TSPAN18: variants seen among roughly 807,000 people sequenced by gnomAD.
TSPAN18 encodes tetraspanin-18.
A neutral mutation model predicts 27.3 loss-of-function variants in TSPAN18; 14 were observed. That is an observed-to-expected ratio of 0.51 (90% CI 0.34 to 0.80). The LOEUF is 0.80. Ranked by LOEUF, TSPAN18 falls within the 30% of genes least tolerant of loss-of-function variation. The pLI is 0.01. For missense variants in TSPAN18, 268 were observed against 323.9 expected, an observed-to-expected ratio of 0.83 and a Z score of 1.32; for synonymous variants, 143 against 136.5, an observed-to-expected ratio of 1.05 and a Z score of -0.33.
intron 2 of TSPAN18, among the ~76,000 whole-genome samples, chr11:44,805,319 G>A (rs1246575314): frequency 6.6e-6 from 1 of 152,234 alleles, no homozygotes; most frequent in Non-Finnish European, 1.5e-5. Flanking sequence ...CTAAAGACAG[G>A]TGGCATTCCT....
intron 2 of TSPAN18, among the ~76,000 whole-genome samples, chr11:44,806,416 C>T (rs537290504): frequency 3.9e-5 from 6 of 152,136 alleles, no homozygotes; most frequent in Admixed American, 2.0e-4. Context: ...CTGTTGGGTG[C>T]GTAGTGCTAG....
chr11:44,737,651 G>C (rs541471106), intron 1 of TSPAN18, among the ~76,000 whole-genome samples: 186 of 152,278 alleles, frequency 1.2e-3, no homozygotes, highest in African/African-American at 4.2e-3. Flanking sequence ...GTGTAATGTG[G>C]TCATGTTAGC....
chr11:44,756,143 T>C (rs544156407), intron 1 of TSPAN18, among the ~76,000 whole-genome samples: 274 of 152,300 alleles, frequency 1.8e-3, no homozygotes, highest in African/African-American at 6.2e-3. Context: ...GAAATCCGAC[T>C]GACTTGGGAT....
At chr11:44,745,138 T>C (rs751682841) in intron 1 of TSPAN18, among the ~76,000 whole-genome samples, 21 of 152,212 alleles carry the variant, frequency 1.4e-4, no homozygotes, top group Non-Finnish European at 2.4e-4. Context: ...TGGGGCTGGA[T>C]TTCAAAATAA....
At chr11:44,811,125 A>AACACACAC (rs61153202) in intron 2 of TSPAN18, among the ~76,000 whole-genome samples, 3,642 of 142,460 alleles carry the variant, frequency 0.026, 87 homozygotes, top group African/African-American at 0.051. Flanking sequence ...CTGGAGTTTT[A>AACACACAC]ACACACACAC....
At chr11:44,843,094 A>G (rs1477876852) in intron 2 of TSPAN18, among the ~76,000 whole-genome samples, 1 of 152,240 alleles carries the variant, frequency 6.6e-6, no homozygotes, top group Non-Finnish European at 1.5e-5. Flanking sequence ...TATATCTAAT[A>G]TAGCATATAG....
intron 3 of TSPAN18, among the ~76,000 whole-genome samples, chr11:44,872,374 G>A (rs1858219168): frequency 1.3e-5 from 2 of 152,230 alleles, no homozygotes; most frequent in African/African-American, 4.8e-5. Flanking sequence ...GAATTTGGGT[G>A]TATGGAAGCA....
intron 8 of TSPAN18, among the ~76,000 whole-genome samples, chr11:44,921,501 C>T (rs959438482): frequency 2.0e-5 from 3 of 152,108 alleles, no homozygotes; most frequent in South Asian, 2.1e-4. Context: ...TTCTGGCTAA[C>T]GGGAGGTGAG....
intron 1 of TSPAN18, among the ~76,000 whole-genome samples, chr11:44,743,576 G>T (rs1055287022): frequency 6.6e-6 from 1 of 152,208 alleles, no homozygotes; most frequent in East Asian, 1.9e-4. Flanking sequence ...CCGAGTCCTC[G>T]GAAGTTTGAG....
intron 2 of TSPAN18, among the ~76,000 whole-genome samples, chr11:44,767,579 CTGAG>C (rs1164247644): frequency 6.6e-6 from 1 of 152,232 alleles, no homozygotes; most frequent in Non-Finnish European, 1.5e-5. Flanking sequence ...CTGAGGCAGG[CTGAG>C]TGAGAGAAGG....
rs1419156015 is a variant in TSPAN18 at position 44,878,567 on chromosome 11, A to ACG, written c.-11+18099_-11+18100dup. On this transcript the variant is annotated intron_variant, in intron 3 of 9. Transcript: ENST00000520358. Reference sequence around the variant, plus strand: ...TTTTTAAACTGAGTGGTGGGTACCCACGGGGCCCTGGGGTACTTCTTCCTG... The same window carrying ACG: ...TTTTTAAACTGAGTGGTGGGTACCCACGCGGGGCCCTGGGGTACTTCTTCCTG... 3.3e-5 allele frequency among the ~76,000 whole-genome samples: 5 copies of ACG among 152,302 alleles called. No individual in the cohort carries two copies. The East Asian group carries it at 9.7e-4, about 29-fold the overall frequency.
chr11:44,892,683 G>A (rs950065374), intron 3 of TSPAN18, among the ~76,000 whole-genome samples: 2 of 152,240 alleles, frequency 1.3e-5, no homozygotes, highest in Admixed American at 6.5e-5. Context: ...GTCTATGGGG[G>A]ATGGGAGGCA....
intron 1 of TSPAN18, among the ~76,000 whole-genome samples, chr11:44,761,232 C>T (rs1178749866): frequency 2.6e-5 from 4 of 152,188 alleles, no homozygotes; most frequent in East Asian, 1.9e-4. Flanking sequence ...CAAGACTAAT[C>T]GGGTCAAGGG....
chr11:44,779,651 A>G (rs1215312935), intron 2 of TSPAN18, among the ~76,000 whole-genome samples: 4 of 152,058 alleles, frequency 2.6e-5, no homozygotes, highest in African/African-American at 9.7e-5. Context: ...CATGCACACA[A>G]CTACCCACAT....
chr11:44,917,129 G>A (rs1018753085), intron 5 of TSPAN18, among the ~76,000 whole-genome samples: 1 of 152,228 alleles, frequency 6.6e-6, no homozygotes, highest in Non-Finnish European at 1.5e-5. Flanking sequence ...CTAAGGCCGT[G>A]CGGGCACCTC....
At chr11:44,737,042 A>T (rs866854759) in intron 1 of TSPAN18, among the ~76,000 whole-genome samples, 1 of 152,210 alleles carries the variant, frequency 6.6e-6, no homozygotes, top group African/African-American at 2.4e-5. Context: ...GGTTGAACAG[A>T]TGCTCACATG....
At chr11:44,853,994 G>A (rs1340537373) in intron 2 of TSPAN18, among the ~76,000 whole-genome samples, 7 of 152,054 alleles carry the variant, frequency 4.6e-5, no homozygotes, top group Admixed American at 2.6e-4. Flanking sequence ...GCAAACCCTC[G>A]GCAATAAAAT....
chr11:44,768,162 GT>G (rs1855612393), intron 2 of TSPAN18, among the ~76,000 whole-genome samples: 1 of 152,150 alleles, frequency 6.6e-6, no homozygotes, highest in Non-Finnish European at 1.5e-5. Context: ...TTTGATTGGG[GT>G]CGTCTTGAAT....
At chr11:44,806,080 G>A (rs1856587724) in intron 2 of TSPAN18, among the ~76,000 whole-genome samples, 1 of 149,452 alleles carries the variant, frequency 6.7e-6, no homozygotes, top group South Asian at 2.1e-4. Flanking sequence ...TATCCCCCAG[G>A]CTGGAGTGTA....
Sources: gnomAD v4.1 joint callset for allele counts (sites outside exome capture counted in the v4.1 genomes callset) on GRCh38, gnomAD v4.1.1 for gene constraint, MANE v1.5 for transcripts, NCBI Gene and HGNC (gene_info 2026-07-23, HGNC 2026-07-21) for gene names.